Variants in BFSP2 observed in about 807,000 individuals in gnomAD.
BFSP2 encodes the protein phakinin.
A neutral mutation model predicts 44.9 loss-of-function variants in BFSP2; 38 were observed. That is an observed-to-expected ratio of 0.85 (90% CI 0.65 to 1.11). The LOEUF is 1.11. BFSP2 is among the 50% of genes least tolerant of loss of function. The pLI is 0.00. For missense variants in BFSP2, 525 were observed against 533.0 expected, an observed-to-expected ratio of 0.99 and a Z score of 0.15; for synonymous variants, 197 against 209.9, an observed-to-expected ratio of 0.94 and a Z score of 0.53.
intron 1 of BFSP2, among the ~76,000 whole-genome samples, chr3:133,438,974 G>A (rs908363234): frequency 6.6e-6 from 1 of 152,232 alleles, no homozygotes; most frequent in African/African-American, 2.4e-5. Flanking sequence ...TCAGACAGGT[G>A]TGAGTTAAGT....
chr3:133,412,704 C>T (rs2073467617), intron 1 of BFSP2, among the ~76,000 whole-genome samples: 1 of 152,248 alleles, frequency 6.6e-6, no homozygotes, highest in Admixed American at 6.5e-5. Flanking sequence ...TCCCTCTCCA[C>T]TTCCAGAGCC....
chr3:133,438,722 T>C (rs9822873), intron 1 of BFSP2, among the ~76,000 whole-genome samples: 20,419 of 152,078 alleles, frequency 0.13, 1,679 homozygotes, highest in Non-Finnish European at 0.17. Context: ...AACTACAAAA[T>C]AGAGCAAGGA....
At chr3:133,450,139 C>G (rs1056565633) in intron 3 of BFSP2, among the ~76,000 whole-genome samples, 164 bp from the exon 4 acceptor site, 1 of 152,044 alleles carries the variant, frequency 6.6e-6, no homozygotes, top group African/African-American at 2.4e-5. Flanking sequence ...ATTACACTTA[C>G]GCTGGGAAGA....
intron 1 of BFSP2, among the ~76,000 whole-genome samples, chr3:133,424,361 C>T (rs2073624793): frequency 6.6e-6 from 1 of 152,096 alleles, no homozygotes; most frequent in African/African-American, 2.4e-5. Context: ...AGCCACTATG[C>T]CCGGCCTTCT....
At chr3:133,418,583 G>A (rs2073565978) in intron 1 of BFSP2, among the ~76,000 whole-genome samples, 1 of 152,066 alleles carries the variant, frequency 6.6e-6, no homozygotes, top group African/African-American at 2.4e-5. Flanking sequence ...CTGAATTCCT[G>A]GGTGCAGTTG....
intron 4 of BFSP2, among the ~76,000 whole-genome samples, chr3:133,461,728 A>G (rs1443099621): frequency 1.3e-5 from 2 of 152,272 alleles, no homozygotes; most frequent in Admixed American, 6.5e-5. Flanking sequence ...AGTGGGAAGT[A>G]TCTCTTGTGG....
At position 133,400,424 on chromosome 3, in the gene BFSP2, G is replaced by A; in HGVS notation, c.341G>A (p.Cys114Tyr). ...GGTGCTGTTGAGGACCTAGGGGGCT[G>A]CCTGGTGGAATATATGGCCAAAGTG... ...DHGAVEDLGG[C>Y]LVEYMAKVHA... The change falls in exon 1 of 7, where the codon TGC (cysteine) becomes TAC (tyrosine). Residue 114 changes from cysteine (C) to tyrosine (Y), a missense_variant. Coordinates refer to ENST00000302334, the MANE Select transcript of BFSP2 (RefSeq NM_003571.4). The surrounding 1 kb of genome is among the most constrained non-coding windows in gnomAD (Gnocchi z 4.0). 6.2e-7 allele frequency: 1 copy of A among 1,614,092 alleles called. No individual in the cohort carries two copies. The highest frequency in any genetic ancestry group is 1.3e-5 in the African/African-American group (1 of 75,064).
In BFSP2 at chr3:133,400,719, A is replaced by C; in HGVS notation, c.489+147A>C. The C allele has an allele frequency of 1.5e-6, 2 of 1,326,782 alleles. No homozygotes were observed. The highest frequency in any genetic ancestry group is 2.1e-6 in the Non-Finnish European group (2 of 974,904). The allele number at this position is 1,326,782 out of a possible 1,614,324, so 82.2% of individuals were successfully genotyped here. ...ACTTAAAATGGTAATGATAACAACA[A>C]TGCTACCTTTTACCGAGGTTTACTA... On this transcript the variant is annotated intron_variant, in intron 1 of 6. Coordinates refer to ENST00000302334, the MANE Select transcript of BFSP2 (RefSeq NM_003571.4). This position sits in a 1 kb window ranked among gnomAD's most constrained non-coding sequence, Gnocchi z 4.0.
At chr3:133,432,676 T>A (rs922478886) in intron 1 of BFSP2, among the ~76,000 whole-genome samples, 5 of 152,098 alleles carry the variant, frequency 3.3e-5, no homozygotes, top group Non-Finnish European at 7.4e-5. Flanking sequence ...AGTATCCCCC[T>A]CCAAAGCTCA....
chr3:133,400,421 G>A lies in BFSP2; in HGVS notation c.338G>A (p.Gly113Asp). 6.2e-7 allele frequency: 1 copy of A among 1,614,082 alleles called. No homozygotes were observed. The highest frequency in any genetic ancestry group is 8.5e-7 in the Non-Finnish European group (1 of 1,180,040). Residue 113 changes from glycine (G) to aspartate (D), a missense_variant, in exon 1 of 7, where the codon GGC becomes GAC. Coordinates refer to ENST00000302334, the MANE Select transcript of BFSP2 (RefSeq NM_003571.4). The surrounding 1 kb of genome is among the most constrained non-coding windows in gnomAD (Gnocchi z 4.0). ...CATGGTGCTGTTGAGGACCTAGGGG[G>A]CTGCCTGGTGGAATATATGGCCAAA... is the stretch of plus-strand genomic sequence containing the variant. ...RDHGAVEDLG[G>D]CLVEYMAKVH...
chr3:133,412,954 G>A (rs1349886657), intron 1 of BFSP2, among the ~76,000 whole-genome samples: 1 of 152,162 alleles, frequency 6.6e-6, no homozygotes, highest in African/African-American at 2.4e-5. Context: ...AGATACTGAC[G>A]TGGAGCTGGC....
chr3:133,463,961 A>C (rs1263983277), intron 4 of BFSP2, among the ~76,000 whole-genome samples: 2 of 152,180 alleles, frequency 1.3e-5, no homozygotes, highest in Admixed American at 1.3e-4. Flanking sequence ...GTCAACTTAC[A>C]ACATTCCTGA....
At chr3:133,467,004 AC>A (rs760788595) in intron 5 of BFSP2, 45 bp downstream of exon 5, 1 of 1,607,698 alleles carries the variant, frequency 6.2e-7, no homozygotes, top group South Asian at 1.1e-5. Flanking sequence ...GCTAATTTTA[AC>A]TCTCTACTGT....
intron 2 of BFSP2, among the ~76,000 whole-genome samples, chr3:133,447,686 C>T (rs1033594375): frequency 6.6e-6 from 1 of 152,170 alleles, no homozygotes; most frequent in African/African-American, 2.4e-5. Context: ...TGCTGCGCCC[C>T]ACCCTGTTGA....
chr3:133,424,223 T>TG (rs777798163), intron 1 of BFSP2, among the ~76,000 whole-genome samples: 21,127 of 103,946 alleles, frequency 0.2, 2,105 homozygotes, highest in East Asian at 0.35. Context: ...TTTTTTTTTT[T>TG]TTTTTTTTTT....
At chr3:133,455,612 C>T (rs934189051) in intron 4 of BFSP2, 2 of 152,180 alleles carry the variant, frequency 1.3e-5, no homozygotes, top group Non-Finnish European at 2.9e-5. Flanking sequence ...TGTCATCTAA[C>T]ATAATTTAAT....
At chr3:133,454,969 G>A (rs552811044) in intron 4 of BFSP2, among the ~76,000 whole-genome samples, 9 of 152,256 alleles carry the variant, frequency 5.9e-5, no homozygotes, top group South Asian at 2.1e-4. Context: ...GGTCAGGATC[G>A]TCAATATCAC....
At chr3:133,415,096 A>C (rs1353137999) in intron 1 of BFSP2, among the ~76,000 whole-genome samples, 2 of 84,788 alleles carry the variant, frequency 2.4e-5, no homozygotes, top group African/African-American at 4.9e-5. Context: ...TCTCCCCTCT[A>C]CTCAGCCCTG....
At chr3:133,427,012 CA>C (rs1214671076) in intron 1 of BFSP2, among the ~76,000 whole-genome samples, 1 of 152,202 alleles carries the variant, frequency 6.6e-6, no homozygotes, top group Non-Finnish European at 1.5e-5. Flanking sequence ...GAGGATTATG[CA>C]TGCTGAGTAT....
Sources: gnomAD v4.1 joint callset for allele counts (sites outside exome capture counted in the v4.1 genomes callset) on GRCh38, gnomAD v4.1.1 for gene constraint, Gnocchi (gnomAD v3.1) non-coding constraint, MANE v1.5 for transcripts, NCBI Gene and HGNC (gene_info 2026-07-23, HGNC 2026-07-21) for gene names.